HERC1: variants seen among roughly 807,000 people sequenced by gnomAD.
The protein encoded by HERC1 is probable E3 ubiquitin-protein ligase HERC1.
Under a neutral mutation model 554.3 loss-of-function variants are expected in HERC1, and 160 were observed. The ratio of observed to expected loss-of-function variants is 0.29; its 90% CI spans 0.25 to 0.33. The LOEUF (loss-of-function observed/expected upper bound fraction) is 0.33, where lower values mean the gene tolerates loss of function less well. Among genes scored for constraint, HERC1 ranks in the 10% least tolerant of loss-of-function variants. The pLI is 1.00. For synonymous variants in HERC1, 2,175 were observed against 2,131.7 expected (o/e 1.02, Z -0.56); for missense variants, 4,919 against 5,918.5 (o/e 0.83, Z 5.54).
At chr15:63,828,880 G>A (rs1567170814) in intron 1 of HERC1, among the ~76,000 whole-genome samples, 1 of 152,038 alleles carries the variant, frequency 6.6e-6, no homozygotes, top group Non-Finnish European at 1.5e-5. Context: ...GATACTATAA[G>A]GCTAAAGCAA....
At chr15:63,672,754 C>T (rs763884090) in intron 38 of HERC1, 60 bp from the exon 39 acceptor site, 60 of 1,171,570 alleles carry the variant, frequency 5.1e-5, no homozygotes, top group Non-Finnish European at 6.6e-5. Flanking sequence ...AAAATAACAG[C>T]GGGAATAAAA....
rs751107002 is a variant in HERC1, at chr15:63,641,422, A to C, written c.11607+48T>G. ...AAGTTCAAGGCTATAATCACATTCC[A>C]AAGCACCAGGTATCTGTGTATCTCT... On this transcript the variant is annotated intron_variant, in intron 60 of 77. Coordinates refer to ENST00000443617, the MANE Select transcript of HERC1 (RefSeq NM_003922.4). 32 of 1,501,518 alleles carry C rather than the reference A, an allele frequency of 2.1e-5. No homozygotes were observed. In the Admixed American group the frequency reaches 4.9e-4, roughly 23 times the overall value. 93.0% of individuals were successfully genotyped at this position (1,501,518 alleles called of 1,614,324 possible). A position where few individuals can be genotyped will look rare whatever the true frequency, so the allele number is the denominator to read the frequency against.
intron 1 of HERC1, among the ~76,000 whole-genome samples, chr15:63,782,491 C>A (rs910569073): frequency 6.6e-6 from 1 of 152,294 alleles, no homozygotes; most frequent in Admixed American, 6.5e-5. Context: ...AAAAAAGCTT[C>A]CTTTCAAAAC....
At chr15:63,616,308 G>T in intron 75 of HERC1, 122 bp downstream of exon 75, 5 of 1,026,472 alleles carry the variant, frequency 4.9e-6, no homozygotes, top group Non-Finnish European at 5.7e-6. Flanking sequence ...CAATGGCATA[G>T]ATATGGCATT....
At chr15:63,709,747 C>G (rs565447847) in intron 24 of HERC1, among the ~76,000 whole-genome samples, 5 of 152,228 alleles carry the variant, frequency 3.3e-5, no homozygotes, top group African/African-American at 1.2e-4. Flanking sequence ...TAGGAGATAT[C>G]AGGGGCATTT....
At chr15:63,709,755 T>C (rs775268385) in intron 24 of HERC1, among the ~76,000 whole-genome samples, 1 of 152,204 alleles carries the variant, frequency 6.6e-6, no homozygotes, top group Non-Finnish European at 1.5e-5. Flanking sequence ...ATCAGGGGCA[T>C]TTAGGAAAAA....
intron 3 of HERC1, among the ~76,000 whole-genome samples, chr15:63,760,052 C>T (rs1011598011): frequency 1.2e-4 from 18 of 151,876 alleles, no homozygotes; most frequent in African/African-American, 3.6e-4. Flanking sequence ...TTGATACTGG[C>T]CAGCCAGGAT....
intron 1 of HERC1, among the ~76,000 whole-genome samples, chr15:63,796,834 C>A (rs1186450991): frequency 2.0e-5 from 3 of 152,094 alleles, no homozygotes; most frequent in Admixed American, 6.6e-5. Flanking sequence ...GTTATGGAGA[C>A]CAAGGTTTTA....
intron 57 of HERC1, among the ~76,000 whole-genome samples, chr15:63,644,086 C>T (rs781089829): frequency 1.1e-4 from 16 of 152,186 alleles, no homozygotes; most frequent in Non-Finnish European, 2.1e-4. Flanking sequence ...CTGTAGTACT[C>T]CCACCTCCAC....
intron 18 of HERC1, 65 bp downstream of exon 18, chr15:63,725,227 T>C (rs2073992243): frequency 2.2e-6 from 3 of 1,386,538 alleles, no homozygotes; most frequent in Non-Finnish European, 3.0e-6. Context: ...CAAATCAGAA[T>C]AGAGAAATCT....
intron 17 of HERC1, 77 bp from the exon 18 acceptor site, chr15:63,725,590 C>T (rs918055536): frequency 2.6e-5 from 30 of 1,134,254 alleles, no homozygotes; most frequent in Non-Finnish European, 3.8e-5. Flanking sequence ...AGTCTCCTAC[C>T]GTACTGCAAT....
intron 1 of HERC1, among the ~76,000 whole-genome samples, chr15:63,813,047 TCAA>T (rs1445891976): frequency 6.6e-6 from 1 of 152,164 alleles, no homozygotes; most frequent in Non-Finnish European, 1.5e-5. Context: ...CAACTTACAA[TCAA>T]CGATATTGAG....
At chr15:63,762,523 C>T (rs1179725982) in intron 3 of HERC1, among the ~76,000 whole-genome samples, 1 of 152,034 alleles carries the variant, frequency 6.6e-6, no homozygotes, top group Non-Finnish European at 1.5e-5. Context: ...CTAGGTTTCA[C>T]CATATTGGCC....
intron 45 of HERC1, 151 bp downstream of exon 45, chr15:63,661,602 A>T (rs2070362252): frequency 1.4e-6 from 1 of 739,044 alleles, no homozygotes; most frequent in Non-Finnish European, 2.2e-6. Context: ...GAATTTCTGA[A>T]ACCCCTCCAT....
At chr15:63,759,067 T>C (rs924368815) in intron 3 of HERC1, among the ~76,000 whole-genome samples, 2 of 152,196 alleles carry the variant, frequency 1.3e-5, no homozygotes, top group African/African-American at 4.8e-5. Flanking sequence ...AGTCTATTTA[T>C]TTGTTATATA....
intron 2 of HERC1, among the ~76,000 whole-genome samples, chr15:63,772,293 G>A (rs1167297786): frequency 6.6e-6 from 1 of 152,110 alleles, no homozygotes; most frequent in African/African-American, 2.4e-5. Context: ...TAGAAGGTAA[G>A]GTCCTCGAGG....
chr15:63,650,740 A>G (rs2069633740), intron 53 of HERC1, among the ~76,000 whole-genome samples: 1 of 152,236 alleles, frequency 6.6e-6, no homozygotes, highest in Non-Finnish European at 1.5e-5. Flanking sequence ...AGTTAAGGCT[A>G]GCTATTCCTC....
chr15:63,730,559 T>A (rs1016356977), intron 14 of HERC1, among the ~76,000 whole-genome samples: 28 of 152,170 alleles, frequency 1.8e-4, no homozygotes, highest in African/African-American at 6.5e-4. Context: ...GAAACTGCTA[T>A]AAAGGACATT....
At chr15:63,697,380 G>A (rs1407056317) in intron 26 of HERC1, among the ~76,000 whole-genome samples, 2 of 151,782 alleles carry the variant, frequency 1.3e-5, no homozygotes, top group Non-Finnish European at 2.9e-5. Context: ...GGATTTGGGG[G>A]AAGAATACCA....
Sources: gnomAD v4.1 joint callset for allele counts (sites outside exome capture counted in the v4.1 genomes callset) on GRCh38, gnomAD v4.1.1 for gene constraint, MANE v1.5 for transcripts, NCBI Gene and HGNC (gene_info 2026-07-23, HGNC 2026-07-21) for gene names.